CACNB2: variants seen among roughly 807,000 people sequenced by gnomAD.
CACNB2 encodes the protein calcium voltage-gated channel auxiliary subunit beta 2, also known as voltage-dependent L-type calcium channel subunit beta-2.
Under a neutral mutation model 73.3 loss-of-function variants are expected in CACNB2, and 42 were observed. The ratio of observed to expected loss-of-function variants is 0.57; its 90% CI spans 0.45 to 0.74. CACNB2 has a LOEUF of 0.74. Among genes scored for constraint, CACNB2 ranks in the 30% least tolerant of loss-of-function variants. The pLI is 0.00. For missense variants in CACNB2, 940 were observed against 853.0 expected, an observed-to-expected ratio of 1.10 and a Z score of -1.27; for synonymous variants, 348 against 310.3, an observed-to-expected ratio of 1.12 and a Z score of -1.28.
chr10:18,161,695 A>G (rs1415961287), intron 2 of CACNB2, among the ~76,000 whole-genome samples: 1 of 151,840 alleles, frequency 6.6e-6, no homozygotes, highest in African/African-American at 2.4e-5. Context: ...AGGCCCAGGC[A>G]GGTGAATCAC....
At chr10:18,140,898 C>G (rs898745657) in intron 1 of CACNB2, 42 bp downstream of exon 1, 9 of 1,563,862 alleles carry the variant, frequency 5.8e-6, no homozygotes, top group East Asian at 2.3e-5. Context: ...TGTGAGCCGC[C>G]GGGCAGGGCA....
intron 3 of CACNB2, among the ~76,000 whole-genome samples, chr10:18,439,025 C>T (rs2046289813): frequency 6.6e-6 from 1 of 152,234 alleles, no homozygotes; most frequent in Non-Finnish European, 1.5e-5. Context: ...CTTCTCTACC[C>T]TCTTCGGTGT....
At position 18,496,499 on chromosome 10, in the gene CACNB2, A is replaced by C. The variant is rs146685984; in HGVS notation, c.334-1856A>C. Among the ~76,000 whole-genome samples the C allele has an allele frequency of 4.1e-3, 625 of 152,264 alleles. 5 individuals carry two copies. Among genetic ancestry groups the C allele is most frequent in the African/African-American group, 0.014 (595 of 41,552 alleles). ...GGAGAAACTGCTCCCTTCTCCTGAG[A>C]GGTCGAAATAATTTTTTTAAAGAAT... On this transcript the variant is annotated intron_variant, in intron 3 of 13. Transcript: ENST00000324631.
At chr10:18,210,575 C>T (rs1305336241) in intron 2 of CACNB2, among the ~76,000 whole-genome samples, 1 of 152,074 alleles carries the variant, frequency 6.6e-6, no homozygotes. Context: ...CACTCTCCAC[C>T]TGTATAACGC....
intron 2 of CACNB2, among the ~76,000 whole-genome samples, chr10:18,298,615 C>T (rs551625757): frequency 1.3e-5 from 2 of 152,196 alleles, no homozygotes; most frequent in African/African-American, 4.8e-5. Flanking sequence ...GGGTCTATAT[C>T]CGGTTTGGGG....
At chr10:18,468,097 TAAAGG>T (rs1243557251) in intron 3 of CACNB2, among the ~76,000 whole-genome samples, 2 of 152,042 alleles carry the variant, frequency 1.3e-5, no homozygotes, top group Non-Finnish European at 2.9e-5. Flanking sequence ...TGATCAGAAA[TAAAGG>T]AAAGTAAGTA....
Position 18,229,983 on chromosome 10 carries a change from T to C in CACNB2, c.213+79008T>C, listed in dbSNP as rs752764719. 3.0e-4 allele frequency among the ~76,000 whole-genome samples: 45 copies of C among 152,328 alleles called. No individual in the cohort carries two copies. The Middle Eastern group carries it at 0.014, about 46-fold the overall frequency. Reference sequence around the variant, plus strand: ...ATAGAGAAATCTTGTGATTTATTCCTCCATAAGTCAGCCTCATGAATCCTG... The same window carrying C: ...ATAGAGAAATCTTGTGATTTATTCCCCCATAAGTCAGCCTCATGAATCCTG... On this transcript the variant is annotated intron_variant, in intron 2 of 13. Coordinates refer to ENST00000324631, the MANE Select transcript of CACNB2 (RefSeq NM_201596.3).
At chr10:18,532,240 G>A (rs996166463) in intron 10 of CACNB2, among the ~76,000 whole-genome samples, 40 of 152,128 alleles carry the variant, frequency 2.6e-4, no homozygotes, top group African/African-American at 9.4e-4. Flanking sequence ...TTTAATTAAC[G>A]GAGTGTAAAG....
chr10:18,454,907 T>C (rs1372343572), intron 3 of CACNB2, among the ~76,000 whole-genome samples: 1 of 152,154 alleles, frequency 6.6e-6, no homozygotes, highest in Non-Finnish European at 1.5e-5. Context: ...CCAGACGTGA[T>C]AGCAGGCACC....
At chr10:18,390,690 T>A (rs1036775865) in intron 2 of CACNB2, among the ~76,000 whole-genome samples, 2 of 152,246 alleles carry the variant, frequency 1.3e-5, no homozygotes, top group Non-Finnish European at 2.9e-5. Flanking sequence ...ATATGTATAG[T>A]CATATTTTCT....
At chr10:18,448,943 C>T (rs1184929587) in intron 3 of CACNB2, among the ~76,000 whole-genome samples, 5 of 152,114 alleles carry the variant, frequency 3.3e-5, no homozygotes, top group Non-Finnish European at 5.9e-5. Flanking sequence ...TGAAGATGGA[C>T]AGGTAGAGAT....
intron 2 of CACNB2, among the ~76,000 whole-genome samples, chr10:18,317,398 C>T (rs2040233780): frequency 1.3e-5 from 2 of 152,124 alleles, no homozygotes; most frequent in African/African-American, 4.8e-5. Flanking sequence ...TCCTACCTCT[C>T]CCCTTTTGGG....
chr10:18,454,868 C>T (rs181867576), intron 3 of CACNB2, among the ~76,000 whole-genome samples: 1 of 151,984 alleles, frequency 6.6e-6, no homozygotes, highest in Non-Finnish European at 1.5e-5. Context: ...GAAAGACTGC[C>T]CCCCGCTACA....
intron 1 of CACNB2, 22 bp from the exon 2 acceptor site, chr10:18,150,861 T>A (rs765586722): frequency 2.1e-6 from 2 of 947,954 alleles, no homozygotes; most frequent in Non-Finnish European, 1.5e-6. Flanking sequence ...TTGTCTTTTT[T>A]TTTTTTTTTT....
At chr10:18,470,540 G>T (rs574485363) in intron 3 of CACNB2, among the ~76,000 whole-genome samples, 3 of 150,916 alleles carry the variant, frequency 2.0e-5, no homozygotes, top group African/African-American at 7.3e-5. Context: ...TACTATTTAC[G>T]TTATTCTGTA....
Position 18,536,088 on chromosome 10 carries a change from TTA to T in CACNB2, c.1207-11_1207-10del. 2 of 1,521,634 alleles carry T rather than the reference TTA, an allele frequency of 1.3e-6. No individual in the cohort carries two copies. Among genetic ancestry groups the T allele is most frequent in the Non-Finnish European group, 1.8e-6 (2 of 1,096,474 alleles). 94.3% of individuals were successfully genotyped at this position (1,521,634 alleles called of 1,614,324 possible). On this transcript the variant is annotated splice_polypyrimidine_tract_variant and intron_variant, in intron 11 of 13. Coordinates refer to ENST00000324631, the MANE Select transcript of CACNB2 (RefSeq NM_201596.3). ...TAGTTATTACTCTGTTAAAAACTCA[TTA>T]TCTTTTACAGGTTTTACAAAGGTTA...
chr10:18,426,569 G>A (rs543290284), intron 3 of CACNB2, among the ~76,000 whole-genome samples: 1 of 152,342 alleles, frequency 6.6e-6, no homozygotes, highest in African/African-American at 2.4e-5. Context: ...GTTGAGCACA[G>A]TGTCTCACAC....
At chr10:18,359,244 G>A (rs2042050790) in intron 2 of CACNB2, among the ~76,000 whole-genome samples, 1 of 152,080 alleles carries the variant, frequency 6.6e-6, no homozygotes, top group Non-Finnish European at 1.5e-5. Flanking sequence ...GATATTTGGA[G>A]TTTGTGAGTA....
At chr10:18,158,696 CTAAGT>C (rs530478346) in intron 2 of CACNB2, among the ~76,000 whole-genome samples, 10 of 152,250 alleles carry the variant, frequency 6.6e-5, no homozygotes, top group African/African-American at 9.6e-5. Flanking sequence ...AAAAAAATCT[CTAAGT>C]TTAGTTGTCT....
Sources: allele counts gnomAD v4.1 joint callset (sites outside exome capture counted in the v4.1 genomes callset), GRCh38; gene constraint gnomAD v4.1.1; transcripts MANE v1.5; gene names NCBI Gene and HGNC (gene_info 2026-07-23, HGNC 2026-07-21).